The following GRIA1 variants were observed in gnomAD, a reference collection of about 807,000 sequenced individuals.
The protein encoded by GRIA1 is glutamate receptor 1.
GRIA1 carries 31 observed loss-of-function variants against 99.2 expected under a neutral mutation model. That is an observed-to-expected ratio of 0.31 (90% CI 0.23 to 0.42). The LOEUF is 0.42. GRIA1 is among the 10% of genes least tolerant of loss of function. The pLI, the probability that GRIA1 is intolerant of heterozygous loss-of-function variation, is 1.00. For missense variants in GRIA1, 782 were observed against 1,157.5 expected, an observed-to-expected ratio of 0.68 and a Z score of 4.71; for synonymous variants, 438 against 432.4, an observed-to-expected ratio of 1.01 and a Z score of -0.16.
intron 10 of GRIA1, among the ~76,000 whole-genome samples, chr5:153,704,908 T>A (rs554179489): frequency 9.2e-5 from 14 of 152,306 alleles, no homozygotes; most frequent in African/African-American, 3.4e-4. Context: ...TTCCTGAGGG[T>A]GGGGACCATA....
intron 2 of GRIA1, among the ~76,000 whole-genome samples, chr5:153,608,135 C>T (rs1313566326): frequency 6.6e-6 from 1 of 152,102 alleles, no homozygotes; most frequent in Non-Finnish European, 1.5e-5. Context: ...TATTGTTGAT[C>T]TTTTGACAGT....
intron 1 of GRIA1, among the ~76,000 whole-genome samples, chr5:153,493,135 C>A (rs1265688960): frequency 1.3e-5 from 2 of 152,304 alleles, no homozygotes; most frequent in East Asian, 1.9e-4. Context: ...CATCAGGCAC[C>A]TTTACTATAC....
intron 11 of GRIA1, among the ~76,000 whole-genome samples, chr5:153,744,929 C>T (rs1762045021): frequency 1.3e-5 from 2 of 152,200 alleles, no homozygotes; most frequent in South Asian, 4.1e-4. Flanking sequence ...AAGCAGCAGT[C>T]AGGCAGGCTT....
chr5:153,660,213 A>G (rs1755262108), intron 5 of GRIA1, among the ~76,000 whole-genome samples: 1 of 152,200 alleles, frequency 6.6e-6, no homozygotes, highest in Non-Finnish European at 1.5e-5. Context: ...GAGACACTTG[A>G]GTCACTGAAT....
intron 2 of GRIA1, among the ~76,000 whole-genome samples, chr5:153,629,119 C>T (rs1752743592): frequency 6.6e-6 from 1 of 152,194 alleles, no homozygotes; most frequent in Non-Finnish European, 1.5e-5. Flanking sequence ...GACTCACAGG[C>T]CAGTGCCCTG....
In GRIA1 at chr5:153,770,330, C is replaced by A. The variant is rs775474938; in HGVS notation, c.2185C>A (p.Arg729=). Residue 729 remains arginine (R), a synonymous_variant, in exon 13 of 16, where the codon CGG becomes AGG. Transcript: ENST00000285900. ...ESTMNEYIEQ[R]KPCDTMKVGG... ...CACCATGAATGAGTACATTGAGCAGCGGAAACCCTGTGACACCATGAAGGT... is the reference window on the plus strand; with the variant it reads ...CACCATGAATGAGTACATTGAGCAGAGGAAACCCTGTGACACCATGAAGGT... 1 of 1,613,876 alleles carries A rather than the reference C, an allele frequency of 6.2e-7. No homozygotes were observed. The highest frequency in any genetic ancestry group is 8.5e-7 in the Non-Finnish European group (1 of 1,179,832).
chr5:153,740,901 C>T (rs114162268), intron 11 of GRIA1, among the ~76,000 whole-genome samples: 4,822 of 150,100 alleles, frequency 0.032, 143 homozygotes, highest in African/African-American at 0.082. Flanking sequence ...GCCATAGATA[C>T]GTAACCTGAG....
chr5:153,491,224 G>A, intron 1 of GRIA1: 1 of 1,320,468 alleles, frequency 7.6e-7, no homozygotes, highest in Admixed American at 3.3e-5. Context: ...CATGTGAAAT[G>A]GAGGAACCAT....
chr5:153,519,575 C>T (rs1339133144), intron 2 of GRIA1, among the ~76,000 whole-genome samples: 1 of 151,936 alleles, frequency 6.6e-6, no homozygotes, highest in Admixed American at 6.6e-5. Context: ...CCTGCCTGAC[C>T]CTGGCTCCAG....
chr5:153,525,024 C>T (rs75438405), intron 2 of GRIA1, among the ~76,000 whole-genome samples: 3,136 of 152,224 alleles, frequency 0.021, 107 homozygotes, highest in African/African-American at 0.07. Flanking sequence ...CTTAAGGATT[C>T]GACTATTTAC....
intron 15 of GRIA1, among the ~76,000 whole-genome samples, chr5:153,806,164 C>T (rs571562661): frequency 6.6e-6 from 1 of 152,330 alleles, no homozygotes; most frequent in African/African-American, 2.4e-5. Flanking sequence ...CTTACAGAGA[C>T]CCAAATTGGT....
chr5:153,645,588 A>G (rs1754087959), intron 2 of GRIA1, among the ~76,000 whole-genome samples: 3 of 152,220 alleles, frequency 2.0e-5, no homozygotes, highest in Admixed American at 6.5e-5. Context: ...AAACTCTAAA[A>G]CAGGGACAAA....
intron 12 of GRIA1, among the ~76,000 whole-genome samples, chr5:153,765,450 G>A (rs1215879673): frequency 6.6e-6 from 1 of 152,204 alleles, no homozygotes; most frequent in Non-Finnish European, 1.5e-5. Flanking sequence ...AAACCTTTGG[G>A]AGTCATTCTG....
intron 3 of GRIA1, among the ~76,000 whole-genome samples, chr5:153,648,838 A>C (rs1165097639): frequency 2.4e-4 from 36 of 148,140 alleles, no homozygotes; most frequent in African/African-American, 5.0e-4. Context: ...TAATAATGAC[A>C]CCCCCCCCCA....
chr5:153,548,521 A>G (rs1422309736), intron 2 of GRIA1, among the ~76,000 whole-genome samples: 1 of 152,206 alleles, frequency 6.6e-6, no homozygotes, highest in Non-Finnish European at 1.5e-5. Context: ...AATTCATATT[A>G]GTTTTCTCTA....
At chr5:153,733,532 T>C (rs1241596235) in intron 11 of GRIA1, among the ~76,000 whole-genome samples, 2 of 152,146 alleles carry the variant, frequency 1.3e-5, no homozygotes, top group African/African-American at 4.8e-5. Context: ...TTAAATGTAA[T>C]TGGATTAAAT....
At chr5:153,616,225 C>T (rs1163026646) in intron 2 of GRIA1, among the ~76,000 whole-genome samples, 5 of 152,206 alleles carry the variant, frequency 3.3e-5, no homozygotes, top group South Asian at 2.1e-4. Flanking sequence ...TTCAGTGTCA[C>T]TTCTTCCTGG....
intron 2 of GRIA1, among the ~76,000 whole-genome samples, chr5:153,573,866 G>T (rs1354796904): frequency 6.6e-6 from 1 of 152,132 alleles, no homozygotes; most frequent in African/African-American, 2.4e-5. Flanking sequence ...AAGACTAAAG[G>T]CTCTGTCCCA....
intron 2 of GRIA1, among the ~76,000 whole-genome samples, chr5:153,576,310 C>T (rs1347231674): frequency 6.6e-6 from 1 of 152,114 alleles, no homozygotes; most frequent in African/African-American, 2.4e-5. Flanking sequence ...GGAAATGCTT[C>T]CTTGGGAAGG....
Sources: gnomAD v4.1 joint callset for allele counts (sites outside exome capture counted in the v4.1 genomes callset) on GRCh38, gnomAD v4.1.1 for gene constraint, MANE v1.5 for transcripts, NCBI Gene and HGNC (gene_info 2026-07-23, HGNC 2026-07-21) for gene names.